Variants in EFCAB6 observed in about 807,000 individuals in gnomAD.
EFCAB6 encodes the protein EF-hand calcium binding domain 6.
A neutral mutation model predicts 169.8 loss-of-function variants in EFCAB6; 156 were observed. That is an observed-to-expected ratio of 0.92 (90% CI 0.81 to 1.05). The LOEUF (loss-of-function observed/expected upper bound fraction) is 1.05, where lower values mean the gene tolerates loss of function less well. EFCAB6 is among the 50% of genes least tolerant of loss of function. The pLI is 0.00. For synonymous variants in EFCAB6, 698 were observed against 676.4 expected (o/e 1.03, Z -0.50); for missense variants, 1,800 against 1,829.1 (o/e 0.98, Z 0.29).
At chr22:43,742,947 T>A (rs1283279102) in intron 6 of EFCAB6, among the ~76,000 whole-genome samples, 1 of 152,120 alleles carries the variant, frequency 6.6e-6, no homozygotes, top group Non-Finnish European at 1.5e-5. Context: ...CTCTTCTGCC[T>A]GGAGAGCAAG....
chr22:43,771,514 ATG>A (rs1204653998), intron 4 of EFCAB6, among the ~76,000 whole-genome samples: 1 of 152,190 alleles, frequency 6.6e-6, no homozygotes, highest in Non-Finnish European at 1.5e-5. Flanking sequence ...GTGTGCATGC[ATG>A]TGTGTGTACA....
chr22:43,776,350 G>A (rs2061639213), intron 3 of EFCAB6, among the ~76,000 whole-genome samples: 2 of 152,150 alleles, frequency 1.3e-5, no homozygotes, highest in Admixed American at 1.3e-4. Context: ...CAGCCCTGAC[G>A]GTACTGCAGT....
At chr22:43,532,281 G>A (rs573344814) in intron 30 of EFCAB6, among the ~76,000 whole-genome samples, 3 of 152,370 alleles carry the variant, frequency 2.0e-5, no homozygotes, top group South Asian at 2.1e-4. Flanking sequence ...TGCTGAGGAC[G>A]GACAGTGCAG....
chr22:43,636,411 C>T (rs2055400569), intron 17 of EFCAB6, among the ~76,000 whole-genome samples: 1 of 152,054 alleles, frequency 6.6e-6, no homozygotes, highest in Admixed American at 6.5e-5. Flanking sequence ...CCTTAGTGCC[C>T]GTGTGTGCCA....
chr22:43,641,163 A>G (rs1185675258), intron 17 of EFCAB6, among the ~76,000 whole-genome samples: 2 of 152,274 alleles, frequency 1.3e-5, no homozygotes, highest in Non-Finnish European at 2.9e-5. Context: ...AATAAGAAGA[A>G]GAGCATGGGA....
chr22:43,657,347 A>G (rs1241863565), intron 17 of EFCAB6, among the ~76,000 whole-genome samples: 1 of 152,142 alleles, frequency 6.6e-6, no homozygotes, highest in Non-Finnish European at 1.5e-5. Flanking sequence ...ACCTCAGCAT[A>G]TTTCAAAGGA....
At chr22:43,716,712 G>A in intron 9 of EFCAB6, 136 bp downstream of exon 9, 2 of 982,886 alleles carry the variant, frequency 2.0e-6, no homozygotes, top group South Asian at 2.8e-5. Flanking sequence ...GAGGTAGAGG[G>A]GGTCTCAGTA....
intron 8 of EFCAB6, among the ~76,000 whole-genome samples, chr22:43,723,984 C>T (rs1190484233): frequency 1.3e-5 from 2 of 152,190 alleles, no homozygotes; most frequent in East Asian, 1.9e-4. Context: ...TCTATTTAAC[C>T]ATGAGTCACT....
rs1305419882 is a variant in EFCAB6, at chr22:43,758,471, TTAATA to T, written c.441-2644_441-2640del. 3.9e-5 allele frequency among the ~76,000 whole-genome samples: 6 copies of T among 152,332 alleles called. No homozygotes were observed. The East Asian group carries it at 1.2e-3, about 29-fold the overall frequency. On this transcript the variant is annotated intron_variant, in intron 5 of 31. Transcript: ENST00000262726. ...ATATATAACATTTCAACATATAAAATTAATATATTTATCCTCCTGCTGGCTATCAA... is the reference window on the plus strand; with the variant it reads ...ATATATAACATTTCAACATATAAAATTATTTATCCTCCTGCTGGCTATCAA...
chr22:43,597,892 C>T (rs2052144052), intron 23 of EFCAB6, among the ~76,000 whole-genome samples: 1 of 151,976 alleles, frequency 6.6e-6, no homozygotes, highest in African/African-American at 2.4e-5. Flanking sequence ...ATTATTTAGC[C>T]ATAAAAAAGA....
At chr22:43,567,168 C>T (rs1044543611) in intron 26 of EFCAB6, among the ~76,000 whole-genome samples, 6 of 152,122 alleles carry the variant, frequency 3.9e-5, no homozygotes, top group African/African-American at 1.4e-4. Flanking sequence ...CCCTCCTCCT[C>T]CCAGCTCTCT....
intron 26 of EFCAB6, among the ~76,000 whole-genome samples, chr22:43,566,526 C>T (rs1387204068): frequency 1.3e-5 from 2 of 152,188 alleles, no homozygotes; most frequent in African/African-American, 2.4e-5. Context: ...TCACATCACC[C>T]TGAGAGGCAG....
intron 26 of EFCAB6, among the ~76,000 whole-genome samples, chr22:43,562,819 G>T (rs1202875078): frequency 7.7e-5 from 11 of 142,154 alleles, no homozygotes; most frequent in Admixed American, 1.4e-4. Flanking sequence ...AGGCAGCCCG[G>T]TGGGGGATGG....
At chr22:43,671,904 A>G (rs2057507871) in intron 15 of EFCAB6, 69 bp downstream of exon 15, 2 of 1,537,266 alleles carry the variant, frequency 1.3e-6, no homozygotes, top group Non-Finnish European at 8.8e-7. Context: ...CACACAGAAA[A>G]GGTTTAGAAT....
intron 2 of EFCAB6, among the ~76,000 whole-genome samples, chr22:43,790,895 G>A (rs1454680427): frequency 6.6e-6 from 1 of 152,166 alleles, no homozygotes; most frequent in African/African-American, 2.4e-5. Flanking sequence ...ATCATACTCT[G>A]GTAGATTTGA....
At position 43,758,103 on chromosome 22, in the gene EFCAB6, A is replaced by G. The variant is rs755007508; in HGVS notation, c.441-2271T>C. ...AATGTAGTTACACTTTCTTTTGTTT[A>G]TTTTTTCTATTACATAATTTTTCTA... On this transcript the variant is annotated intron_variant, in intron 5 of 31. Transcript: ENST00000262726. 9.7e-5 allele frequency among the ~76,000 whole-genome samples: 13 copies of G among 134,466 alleles called. 1 individual carries two copies. Among genetic ancestry groups the G allele is most frequent in the Middle Eastern group, 4.2e-3 (1 of 238 alleles). The allele number at this position is 134,466 out of a possible 152,430, so 88.2% of individuals were successfully genotyped here.
chr22:43,576,292 C>A lies in EFCAB6; in HGVS notation c.3420+5G>T. The A allele has an allele frequency of 6.4e-7, 1 of 1,574,502 alleles. No individual in the cohort carries two copies. Among genetic ancestry groups the A allele is most frequent in the South Asian group, 1.2e-5 (1 of 82,808 alleles). ...GAGATGCTTATGTGCTGCAGACATT[C>A]TTACCTCCTCAAGGAAACAGCTAAA... On this transcript the variant is annotated splice_donor_5th_base_variant and intron_variant, in intron 26 of 31. Coordinates refer to ENST00000262726, the MANE Select transcript of EFCAB6 (RefSeq NM_022785.4).
intron 27 of EFCAB6, among the ~76,000 whole-genome samples, chr22:43,546,418 G>A (rs2048058988): frequency 6.6e-6 from 1 of 152,130 alleles, no homozygotes; most frequent in Non-Finnish European, 1.5e-5. Flanking sequence ...TTCAGATGCA[G>A]TAGACACGTC....
chr22:43,614,698 C>T (rs181019490), intron 21 of EFCAB6, among the ~76,000 whole-genome samples: 11 of 152,238 alleles, frequency 7.2e-5, no homozygotes, highest in Admixed American at 2.0e-4. Context: ...TGTGGGCCAG[C>T]GCAGACAGTC....
Sources: gnomAD v4.1 joint callset for allele counts (sites outside exome capture counted in the v4.1 genomes callset) on GRCh38, gnomAD v4.1.1 for gene constraint, MANE v1.5 for transcripts, NCBI Gene and HGNC (gene_info 2026-07-23, HGNC 2026-07-21) for gene names.